Variants in SSX2IP observed in about 807,000 individuals in gnomAD.
The protein encoded by SSX2IP is SSX family member 2 interacting protein.
A neutral mutation model predicts 84.9 loss-of-function variants in SSX2IP; 55 were observed. That is an observed-to-expected ratio of 0.65 (90% CI 0.52 to 0.81). SSX2IP has a LOEUF of 0.81. Among genes scored for constraint, SSX2IP ranks in the 30% least tolerant of loss-of-function variants. The pLI is 0.00. For missense variants in SSX2IP, 664 were observed against 705.2 expected (o/e 0.94, Z 0.66); for synonymous variants, 239 against 234.7 (o/e 1.02, Z -0.17).
chr1:84,653,878 TTAA>T (rs1650698758), intron 11 of SSX2IP, among the ~76,000 whole-genome samples: 1 of 110,902 alleles, frequency 9.0e-6, no homozygotes, highest in South Asian at 2.9e-4. Context: ...TATTATCAGA[TTAA>T]TAAACATCTG....
intron 1 of SSX2IP, among the ~76,000 whole-genome samples, chr1:84,689,093 T>TA (rs1232444415): frequency 6.6e-6 from 1 of 152,266 alleles, no homozygotes; most frequent in Admixed American, 6.5e-5. Flanking sequence ...TGTAGGTTGA[T>TA]AGTTTTAGGA....
At chr1:84,650,854 G>A (rs1360304824) in intron 12 of SSX2IP, among the ~76,000 whole-genome samples, 3 of 151,950 alleles carry the variant, frequency 2.0e-5, no homozygotes, top group African/African-American at 4.8e-5. Flanking sequence ...ACAGGGGCCC[G>A]CCACCATGCC....
In SSX2IP at chr1:84,666,182, G is replaced by A; in HGVS notation, c.477C>T (p.Asp159=). The A allele has an allele frequency of 6.2e-7, 1 of 1,612,904 alleles. No individual in the cohort carries two copies. The highest frequency in any genetic ancestry group is 8.5e-7 in the Non-Finnish European group (1 of 1,179,364). The stretch of plus-strand genomic sequence containing the variant: ...TCCTGTTCTTACATTGTAACTGTCT[G>A]TCTCTTTCCTGAAGCCCAATCATTT... ...RREMIGLQER[D]RQLQCKNRNL... Residue 159 remains aspartate (D), a synonymous_variant, in exon 5 of 14, where the codon GAC becomes GAT. Transcript: ENST00000342203.
intron 8 of SSX2IP, among the ~76,000 whole-genome samples, chr1:84,660,083 A>G (rs1412893187): frequency 6.6e-6 from 1 of 152,194 alleles, no homozygotes; most frequent in East Asian, 1.9e-4. Flanking sequence ...CAAATAATAA[A>G]TGAAATGTGG....
chr1:84,648,778 C>A (rs184102561), intron 13 of SSX2IP, among the ~76,000 whole-genome samples: 256 of 152,282 alleles, frequency 1.7e-3, no homozygotes, highest in Non-Finnish European at 2.0e-3. Context: ...TATAAGCTTA[C>A]ACATTATCTT....
At position 84,650,468 on chromosome 1, in the gene SSX2IP, C is replaced by T. The variant is rs564097704; in HGVS notation, c.1564G>A (p.Val522Met). 1.9e-6 allele frequency: 3 copies of T among 1,614,132 alleles called. No homozygotes were observed. The East Asian group carries it at 6.7e-5, about 36-fold the overall frequency. Residue 522 changes from valine to methionine, a missense_variant, in exon 13 of 14, where the codon GTG becomes ATG. By Grantham distance (21) the Val-to-Met change is conservative. Coordinates refer to ENST00000342203, the MANE Select transcript of SSX2IP (RefSeq NM_001166293.2). ...SRQPQKKPHS[V>M]SNGSPVCMSK... ...ATGCAAACTGGAGACCCATTAGACA[C>T]ACTGTGAGGCTTCTTTTGCGGCTGC... is the stretch of plus-strand genomic sequence containing the variant.
intron 1 of SSX2IP, among the ~76,000 whole-genome samples, chr1:84,678,714 C>T (rs1218238987): frequency 6.6e-6 from 1 of 152,190 alleles, no homozygotes; most frequent in African/African-American, 2.4e-5. Flanking sequence ...ACTCTCAATT[C>T]CCATTTGTCT....
At chr1:84,657,532 C>T (rs932114777) in intron 9 of SSX2IP, among the ~76,000 whole-genome samples, 16 of 152,066 alleles carry the variant, frequency 1.1e-4, no homozygotes, top group Admixed American at 5.9e-4. Flanking sequence ...ATCTATACTA[C>T]GATAAATATT....
At chr1:84,677,716 G>A (rs887759042) in intron 1 of SSX2IP, among the ~76,000 whole-genome samples, 6 of 152,144 alleles carry the variant, frequency 3.9e-5, no homozygotes, top group Non-Finnish European at 7.4e-5. Context: ...AAGCCATCAC[G>A]TTGTAAGCAA....
intron 1 of SSX2IP, among the ~76,000 whole-genome samples, chr1:84,682,211 G>T (rs1479059757): frequency 2.0e-5 from 3 of 152,064 alleles, no homozygotes; most frequent in Non-Finnish European, 4.4e-5. Flanking sequence ...TTTTGGACTT[G>T]GCTGCCAATT....
In SSX2IP at chr1:84,655,882, C is replaced by G. The variant is rs1297409446; in HGVS notation, c.1339G>C (p.Glu447Gln). 6.2e-7 allele frequency: 1 copy of G among 1,614,006 alleles called. No homozygotes were observed. The highest frequency in any genetic ancestry group is 8.5e-7 in the Non-Finnish European group (1 of 1,179,938). The change falls in exon 11 of 14, where the codon GAG becomes CAG. Residue 447 changes from glutamate to glutamine, a missense_variant. By Grantham distance (29) the Glu-to-Gln change is conservative (BLOSUM62 2). Coordinates refer to ENST00000342203, the MANE Select transcript of SSX2IP (RefSeq NM_001166293.2). Reference sequence around the variant, plus strand: ...TCTGTAAAGCTTCGTCTCTCCCTCTCAAAATTCTTTTTCTGCTCTTTAAAA... The same window carrying G: ...TCTGTAAAGCTTCGTCTCTCCCTCTGAAAATTCTTTTTCTGCTCTTTAAAA... ...SLFKEQKKNFERERRSFTEAA... is the reference protein window; with the variant it reads ...SLFKEQKKNFQRERRSFTEAA...
chr1:84,669,170 C>T (rs1653173331), intron 4 of SSX2IP, among the ~76,000 whole-genome samples: 1 of 30,676 alleles, frequency 3.3e-5, no homozygotes, highest in African/African-American at 6.8e-5. Flanking sequence ...AAAAATACTT[C>T]CTTTTTTTTT....
rs1416376126 is a variant in SSX2IP at position 84,645,706 on chromosome 1, A to G, written c.*1727T>C. On this transcript the variant is annotated 3_prime_UTR_variant, in exon 14 of 14. Transcript: ENST00000342203. ...CTTTTTGACCATGTTATTGCTAAAT[A>G]GCAAAACAAACAAAAACAAAAACAA... The G allele has an allele frequency of 3.9e-5, 6 of 152,228 alleles. No homozygotes were observed. The highest frequency in any genetic ancestry group is 1.4e-4 in the African/African-American group (6 of 41,470). The allele number at this position is 152,228 out of a possible 1,614,324, so 9.4% of individuals were successfully genotyped here.
At chr1:84,661,262 C>A (rs189388139) in intron 8 of SSX2IP, among the ~76,000 whole-genome samples, 141 of 152,128 alleles carry the variant, frequency 9.3e-4, no homozygotes, top group African/African-American at 3.2e-3. Context: ...ACATTATTTT[C>A]AGATTTTTAT....
intron 1 of SSX2IP, among the ~76,000 whole-genome samples, chr1:84,679,025 A>T (rs566028676): frequency 6.6e-6 from 1 of 152,256 alleles, no homozygotes; most frequent in African/African-American, 2.4e-5. Flanking sequence ...GTCTTTGCTA[A>T]AATCTCACAA....
rs1420004652 is a variant in SSX2IP at position 84,656,432 on chromosome 1, T to C, written c.1131A>G (p.Gln377=). ...GTTTTTCAGTTTCTTGTTCATGGTC[T>C]TGTCGTGAGATTACATCTTCATCAT... ...GFNDEDVISR[Q]DHEQETEKLE... The change falls in exon 10 of 14, where the codon CAA becomes CAG. Residue 377 remains glutamine (Q), a synonymous_variant. Transcript: ENST00000342203. 6.2e-7 allele frequency: 1 copy of C among 1,613,584 alleles called. No homozygotes were observed. Among genetic ancestry groups the C allele is most frequent in the Admixed American group, 1.7e-5 (1 of 60,012 alleles).
At position 84,656,017 on chromosome 1, in the gene SSX2IP, TAA is replaced by T; in HGVS notation, c.1216-14_1216-13del. 3.1e-6 allele frequency: 5 copies of T among 1,604,866 alleles called. No individual in the cohort carries two copies. The highest frequency in any genetic ancestry group is 3.4e-6 in the Non-Finnish European group (4 of 1,176,860). ...GTAGCGAGCTGCTGCTATTAAAATT[TAA>T]AACATAGTAAGTTCCTGAGGGACCT... On this transcript the variant is annotated splice_polypyrimidine_tract_variant and intron_variant, in intron 10 of 13. Coordinates refer to ENST00000342203, the MANE Select transcript of SSX2IP (RefSeq NM_001166293.2).
chr1:84,650,242 A>C, intron 13 of SSX2IP, 120 bp downstream of exon 13: 1 of 961,770 alleles, frequency 1.0e-6, no homozygotes, highest in Non-Finnish European at 1.6e-6. Context: ...TAAATCATCT[A>C]CTAAATTCCT....
At chr1:84,657,284 T>C (rs1192094288) in intron 9 of SSX2IP, among the ~76,000 whole-genome samples, 1 of 152,028 alleles carries the variant, frequency 6.6e-6, no homozygotes, top group Non-Finnish European at 1.5e-5. Context: ...ATAGGTAATA[T>C]TCAATTTTTA....
Sources: allele counts gnomAD v4.1 joint callset (sites outside exome capture counted in the v4.1 genomes callset), GRCh38; gene constraint gnomAD v4.1.1; transcripts MANE v1.5; gene names NCBI Gene and HGNC (gene_info 2026-07-23, HGNC 2026-07-21).